Variants in CENPO observed in about 807,000 individuals in gnomAD.
The protein encoded by CENPO is centromere protein O.
In CENPO, 30 loss-of-function variants were observed where a neutral mutation model predicts 36.1. The observed-to-expected ratio is 0.83, with a 90% CI of 0.62 to 1.13. CENPO has a LOEUF of 1.13. Among genes scored for constraint, CENPO ranks in the 50% most tolerant of loss-of-function variants. The pLI is 0.00. For missense variants in CENPO, 349 were observed against 357.8 expected (o/e 0.98, Z 0.20); for synonymous variants, 171 against 142.3 (o/e 1.20, Z -1.44).
At chr2:24,815,988 T>C in intron 5 of CENPO, 3 of 536,664 alleles carry the variant, frequency 5.6e-6, no homozygotes, top group Non-Finnish European at 1.0e-5. Context: ...CCCTGAATGG[T>C]GGTCTTCAAG....
intron 2 of CENPO, among the ~76,000 whole-genome samples, chr2:24,795,880 T>C (rs1665877660): frequency 6.6e-6 from 1 of 152,188 alleles, no homozygotes; most frequent in Non-Finnish European, 1.5e-5. Context: ...AGTTGTTGGA[T>C]AAATAGAGAT....
chr2:24,821,592 C>T lies in CENPO; in HGVS notation c.*2274C>T, dbSNP rs747746171. 1.4e-5 allele frequency: 23 copies of T among 1,614,046 alleles called. No homozygotes were observed. The highest frequency in any genetic ancestry group is 1.5e-5 in the Non-Finnish European group (18 of 1,180,040). On this transcript the variant is annotated 3_prime_UTR_variant, in exon 8 of 8. Coordinates refer to ENST00000380834, the MANE Select transcript of CENPO (RefSeq NM_001322101.2). ...GTATCCTTCATGGCCAGCGCGAAGT[C>T]GGCCAGGTCAGCCAGGTGCTGCCAG...
chr2:24,812,964 G>C (rs1258243414), intron 3 of CENPO, among the ~76,000 whole-genome samples: 1 of 150,024 alleles, frequency 6.7e-6, no homozygotes, highest in Non-Finnish European at 1.5e-5. Flanking sequence ...AATATACGGA[G>C]GTCAGGTGCT....
chr2:24,800,500 C>T (rs1412399282), intron 3 of CENPO, among the ~76,000 whole-genome samples: 50 of 130,006 alleles, frequency 3.8e-4, no homozygotes, highest in Non-Finnish European at 5.8e-4. Context: ...CAACAGGCCC[C>T]GGTGTGTGAT....
chr2:24,813,720 G>A (rs934774131), intron 3 of CENPO, among the ~76,000 whole-genome samples: 3 of 152,088 alleles, frequency 2.0e-5, no homozygotes, highest in Admixed American at 6.5e-5. Flanking sequence ...AGACTGCTGC[G>A]GAGTCTAGTT....
In CENPO at chr2:24,799,851, A is replaced by G; in HGVS notation, c.216+7A>G. ...GCGGCACCGGCGAGCCAGCGTGAGT[A>G]GAAGGGTGGTATCAGCAGTTCCTTT... On this transcript the variant is annotated splice_region_variant and intron_variant, in intron 3 of 7. Transcript: ENST00000380834. 6.2e-7 allele frequency: 1 copy of G among 1,612,540 alleles called. No homozygotes were observed. The highest frequency in any genetic ancestry group is 8.5e-7 in the Non-Finnish European group (1 of 1,179,798).
chr2:24,793,534 C>T (rs940545964), intron 1 of CENPO, 33 bp downstream of exon 1: 1 of 1,549,438 alleles, frequency 6.5e-7, no homozygotes, highest in African/African-American at 1.4e-5. Flanking sequence ...GGGGAAAGAC[C>T]CATTGTCGGA....
chr2:24,817,452 G>A (rs1210624912), intron 6 of CENPO, among the ~76,000 whole-genome samples: 1 of 92,066 alleles, frequency 1.1e-5, no homozygotes, highest in Non-Finnish European at 2.0e-5. Context: ...GTAAGGGGCA[G>A]CCTTAGTCCA....
chr2:24,821,669 CAG>C lies in CENPO; in HGVS notation c.*2352_*2353del, dbSNP rs753207731. ...TGCCAGGGGACCGTGGAGAAAGTGTCAGGGGCCGCTCACTGCAGCAGCCTGCT... is the reference window on the plus strand; with the variant it reads ...TGCCAGGGGACCGTGGAGAAAGTGTCGGGCCGCTCACTGCAGCAGCCTGCT... On this transcript the variant is annotated 3_prime_UTR_variant, in exon 8 of 8. Transcript: ENST00000380834. The C allele has an allele frequency of 2.3e-5, 37 of 1,611,576 alleles. No homozygotes were observed. The highest frequency in any genetic ancestry group is 3.1e-5 in the Non-Finnish European group (36 of 1,178,806).
At chr2:24,806,441 G>A (rs562091260) in intron 3 of CENPO, among the ~76,000 whole-genome samples, 1 of 152,284 alleles carries the variant, frequency 6.6e-6, no homozygotes, top group South Asian at 2.1e-4. Flanking sequence ...GACTGGGGCT[G>A]TTCCTATTCG....
chr2:24,820,245 C>T lies in CENPO; in HGVS notation c.*927C>T. 8.3e-7 allele frequency: 1 copy of T among 1,198,660 alleles called. No individual in the cohort carries two copies. The highest frequency in any genetic ancestry group is 1.6e-5 in the African/African-American group (1 of 63,764). 74.3% of individuals were successfully genotyped at this position (1,198,660 alleles called of 1,614,324 possible). A position where few individuals can be genotyped will look rare whatever the true frequency, so the allele number is the denominator to read the frequency against. ...AAGCAGTACGGGACACTCCCCAAAC[C>T]TCCCAGGGCCAAGCCCTTCCACCCG... is the stretch of plus-strand genomic sequence containing the variant. On this transcript the variant is annotated 3_prime_UTR_variant, in exon 8 of 8. Coordinates refer to ENST00000380834, the MANE Select transcript of CENPO (RefSeq NM_001322101.2).
Position 24,814,389 on chromosome 2 carries a change from T to C in CENPO, c.230T>C (p.Ile77Thr). The change falls in exon 4 of 8, where the codon ATT becomes ACT. Residue 77 changes from isoleucine to threonine, a missense_variant. Ile to Thr is a moderately conservative substitution (Grantham distance 89). Coordinates refer to ENST00000380834, the MANE Select transcript of CENPO (RefSeq NM_001322101.2). Reference protein sequence around the residue: ...RHRRASVKACIANVEPNQTVE... With the variant: ...RHRRASVKACTANVEPNQTVE... ...CATATCTTGCAGGTGAAAGCATGTATTGCCAATGTAGAACCCAACCAAACA... is the reference window on the plus strand; with the variant it reads ...CATATCTTGCAGGTGAAAGCATGTACTGCCAATGTAGAACCCAACCAAACA... The C allele has an allele frequency of 1.3e-6, 2 of 1,562,426 alleles. No homozygotes were observed. The highest frequency in any genetic ancestry group is 1.4e-5 in the African/African-American group (1 of 74,024).
In CENPO at chr2:24,804,157, C is replaced by CT. The variant is rs764230637; in HGVS notation, c.216+4322dup. Reference sequence around the variant, plus strand: ...TCAGAGACTAGGATTGCAACCCCTGCTTTTTTTTTGTTTTCCATTTGCTTG... The same window carrying CT: ...TCAGAGACTAGGATTGCAACCCCTGCTTTTTTTTTTGTTTTCCATTTGCTTG... On this transcript the variant is annotated intron_variant, in intron 3 of 7. Coordinates refer to ENST00000380834, the MANE Select transcript of CENPO (RefSeq NM_001322101.2). Among the ~76,000 whole-genome samples, 158 of 151,330 alleles carry CT rather than the reference C, an allele frequency of 1.0e-3. 1 individual carries two copies. Among genetic ancestry groups the CT allele is most frequent in the Middle Eastern group, 3.4e-3 (1 of 294 alleles).
At chr2:24,804,682 G>C (rs997100366) in intron 3 of CENPO, among the ~76,000 whole-genome samples, 35 of 152,292 alleles carry the variant, frequency 2.3e-4, no homozygotes, top group Non-Finnish European at 3.7e-4. Context: ...TGTAGAGTTT[G>C]TGCCGAGAGA....
At chr2:24,799,966 A>G in intron 3 of CENPO, 122 bp downstream of exon 3, 5 of 1,111,234 alleles carry the variant, frequency 4.5e-6, no homozygotes, top group Non-Finnish European at 5.2e-6. Context: ...GATTGATTGC[A>G]GTCCTTGATC....
At chr2:24,798,275 G>A (rs1303549871) in intron 2 of CENPO, among the ~76,000 whole-genome samples, 2 of 149,386 alleles carry the variant, frequency 1.3e-5, no homozygotes, top group Non-Finnish European at 3.0e-5. Flanking sequence ...GTATGTGTGT[G>A]TATATATATA....
chr2:24,812,984 G>A (rs1666768694), intron 3 of CENPO, among the ~76,000 whole-genome samples: 1 of 147,096 alleles, frequency 6.8e-6, no homozygotes, highest in Non-Finnish European at 1.5e-5. Context: ...TGTGGCTCAC[G>A]CCTGTAATCC....
intron 3 of CENPO, among the ~76,000 whole-genome samples, chr2:24,811,447 ATTTTTTGTTTTTTG>A (rs1368452660): frequency 2.2e-5 from 3 of 133,704 alleles, no homozygotes; most frequent in Admixed American, 7.2e-5. Context: ...CACCCAGCTA[ATTTTTTGTTTTTTG>A]TTTTTTGTTT....
chr2:24,793,496 G>C lies in CENPO; in HGVS notation c.-74G>C. On this transcript the variant is annotated 5_prime_UTR_variant, in exon 1 of 8. Transcript: ENST00000380834. ...TGGATGGCGGGAATTCTCGCTTCTGGCCTGGGTGAGCTAGAAGGGAGAAGG... is the reference window on the plus strand; with the variant it reads ...TGGATGGCGGGAATTCTCGCTTCTGCCCTGGGTGAGCTAGAAGGGAGAAGG... 1 of 1,598,858 alleles carries C rather than the reference G, an allele frequency of 6.3e-7. No homozygotes were observed. Among genetic ancestry groups the C allele is most frequent in the Non-Finnish European group, 8.5e-7 (1 of 1,172,330 alleles).
Sources: allele counts gnomAD v4.1 joint callset (sites outside exome capture counted in the v4.1 genomes callset), GRCh38; gene constraint gnomAD v4.1.1; transcripts MANE v1.5; gene names NCBI Gene and HGNC (gene_info 2026-07-23, HGNC 2026-07-21).